Variants in GPR158 observed in about 807,000 individuals in gnomAD.
GPR158 encodes G protein-coupled receptor 158.
In GPR158, 30 loss-of-function variants were observed where a neutral mutation model predicts 78.2. The ratio of observed to expected loss-of-function variants is 0.38; its 90% CI spans 0.29 to 0.52. The LOEUF is 0.52. Among genes scored for constraint, GPR158 ranks in the 20% least tolerant of loss-of-function variants. The probability of loss-of-function intolerance (pLI) is 0.83; values close to 1 mark genes in which losing one functional copy is unlikely to be tolerated. For missense variants in GPR158, 1,463 were observed against 1,523.5 expected, an observed-to-expected ratio of 0.96 and a Z score of 0.66; for synonymous variants, 581 against 591.1, an observed-to-expected ratio of 0.98 and a Z score of 0.25.
intron 5 of GPR158, among the ~76,000 whole-genome samples, chr10:25,522,133 G>C (rs1836285723): frequency 6.6e-6 from 1 of 152,178 alleles, no homozygotes; most frequent in African/African-American, 2.4e-5. Context: ...AAGTCACTTA[G>C]TCTTTTGGGG....
At chr10:25,350,712 G>T (rs1408990203) in intron 2 of GPR158, among the ~76,000 whole-genome samples, 1 of 151,952 alleles carries the variant, frequency 6.6e-6, no homozygotes, top group African/African-American at 2.4e-5. Context: ...TTGCCTTGGA[G>T]ACAGGACAGT....
At chr10:25,394,367 C>T (rs1338881777) in intron 2 of GPR158, among the ~76,000 whole-genome samples, 1 of 152,218 alleles carries the variant, frequency 6.6e-6, no homozygotes, top group East Asian at 1.9e-4. Context: ...TGACTGACCA[C>T]AACTAATATG....
chr10:25,274,006 G>C (rs1854151184), intron 2 of GPR158, among the ~76,000 whole-genome samples: 1 of 152,086 alleles, frequency 6.6e-6, no homozygotes, highest in Non-Finnish European at 1.5e-5. Flanking sequence ...GCGAGACATG[G>C]TTTTTCTCTG....
At chr10:25,574,141 T>C (rs1399797188) in intron 7 of GPR158, among the ~76,000 whole-genome samples, 2 of 126,138 alleles carry the variant, frequency 1.6e-5, no homozygotes, top group Non-Finnish European at 3.2e-5. Flanking sequence ...TATTTTTCTG[T>C]TTTACAAAAA....
chr10:25,538,534 T>C (rs968321148), intron 5 of GPR158, among the ~76,000 whole-genome samples: 4 of 152,028 alleles, frequency 2.6e-5, no homozygotes, highest in African/African-American at 9.7e-5. Flanking sequence ...CAGACTGGAG[T>C]GCGATGGTTA....
rs1835053638 is a variant in GPR158 at position 25,440,478 on chromosome 10, AT to A, written c.1336-26172del. Among the ~76,000 whole-genome samples the A allele has an allele frequency of 2.0e-5, 3 of 152,294 alleles. No homozygotes were observed. The South Asian group carries it at 6.2e-4, about 32-fold the overall frequency. On this transcript the variant is annotated intron_variant, in intron 4 of 10. Coordinates refer to ENST00000376351, the MANE Select transcript of GPR158 (RefSeq NM_020752.3). The stretch of plus-strand genomic sequence containing the variant: ...AATTTTCCATAATAGCACCCTTCTA[AT>A]GGTGCCTAAGAAATACATCTGACAG...
In GPR158 at chr10:25,352,748, A is replaced by C. The variant is rs553318509; in HGVS notation, c.1009-43163A>C. 6.6e-4 allele frequency among the ~76,000 whole-genome samples: 101 copies of C among 152,174 alleles called. 1 individual carries two copies. The highest frequency in any genetic ancestry group is 1.8e-3 in the Admixed American group (27 of 15,270). On this transcript the variant is annotated intron_variant, in intron 2 of 10. Coordinates refer to ENST00000376351, the MANE Select transcript of GPR158 (RefSeq NM_020752.3). ...TGATATAATTTCACAGTTTGTTTAC[A>C]AACCATTTAATTTTGTTTGTTGGTA...
At chr10:25,363,438 C>T (rs1308203369) in intron 2 of GPR158, among the ~76,000 whole-genome samples, 2 of 151,858 alleles carry the variant, frequency 1.3e-5, no homozygotes, top group African/African-American at 4.8e-5. Context: ...TGTTACTGAC[C>T]CATCCATGGC....
At chr10:25,261,554 C>G (rs935174718) in intron 2 of GPR158, among the ~76,000 whole-genome samples, 1 of 151,926 alleles carries the variant, frequency 6.6e-6, no homozygotes, top group Non-Finnish European at 1.5e-5. Context: ...CTAATTAATT[C>G]TGATAGACTA....
At chr10:25,398,161 T>A (rs1834391790) in intron 3 of GPR158, among the ~76,000 whole-genome samples, 1 of 152,216 alleles carries the variant, frequency 6.6e-6, no homozygotes, top group Non-Finnish European at 1.5e-5. Flanking sequence ...TTCAGCCTGG[T>A]GAGGCCCTAA....
intron 2 of GPR158, among the ~76,000 whole-genome samples, chr10:25,246,088 C>G (rs970058410): frequency 6.6e-6 from 1 of 152,146 alleles, no homozygotes; most frequent in African/African-American, 2.4e-5. Context: ...GAGGATCAGT[C>G]CTTTTATAAA....
intron 1 of GPR158, among the ~76,000 whole-genome samples, chr10:25,210,190 T>A (rs1246220783): frequency 6.6e-6 from 1 of 152,230 alleles, no homozygotes; most frequent in African/African-American, 2.4e-5. Flanking sequence ...TCTATTCACG[T>A]GCTATTTTGT....
chr10:25,524,979 G>T (rs1190973006), intron 5 of GPR158, among the ~76,000 whole-genome samples: 1 of 152,078 alleles, frequency 6.6e-6, no homozygotes, highest in South Asian at 2.1e-4. Flanking sequence ...ACAGTTCTCT[G>T]GAGAATATAT....
chr10:25,316,719 G>A (rs1854855620), intron 2 of GPR158, among the ~76,000 whole-genome samples: 1 of 152,006 alleles, frequency 6.6e-6, no homozygotes, highest in African/African-American at 2.4e-5. Context: ...GTTATATATT[G>A]GTGTGTTTTT....
At chr10:25,385,979 G>T (rs1834217349) in intron 2 of GPR158, among the ~76,000 whole-genome samples, 1 of 152,100 alleles carries the variant, frequency 6.6e-6, no homozygotes, top group Non-Finnish European at 1.5e-5. Context: ...AGTCCCATTT[G>T]TCTATTTTTG....
intron 1 of GPR158, among the ~76,000 whole-genome samples, chr10:25,202,714 T>TA (rs1231718088): frequency 6.6e-6 from 1 of 152,214 alleles, no homozygotes; most frequent in African/African-American, 2.4e-5. Flanking sequence ...GCAATAAACA[T>TA]ACGTGTGCAT....
intron 5 of GPR158, among the ~76,000 whole-genome samples, chr10:25,501,930 C>T (rs1398287486): frequency 2.6e-5 from 4 of 152,134 alleles, no homozygotes; most frequent in African/African-American, 9.7e-5. Flanking sequence ...TGTCCGTATG[C>T]TTGGTACCCC....
chr10:25,226,139 C>T (rs1288988613), intron 2 of GPR158, among the ~76,000 whole-genome samples: 1 of 152,130 alleles, frequency 6.6e-6, no homozygotes, highest in Non-Finnish European at 1.5e-5. Context: ...CTATTGTTCA[C>T]CTATCTCTAG....
chr10:25,449,883 T>A (rs563724153), intron 4 of GPR158, among the ~76,000 whole-genome samples: 2 of 152,220 alleles, frequency 1.3e-5, no homozygotes, highest in African/African-American at 4.8e-5. Context: ...TACACCCAGT[T>A]ATAGAACGTG....
Sources: allele counts gnomAD v4.1 joint callset (sites outside exome capture counted in the v4.1 genomes callset), GRCh38; gene constraint gnomAD v4.1.1; transcripts MANE v1.5; gene names NCBI Gene and HGNC (gene_info 2026-07-23, HGNC 2026-07-21).